LRRN1: variants seen among roughly 807,000 people sequenced by gnomAD.
The protein encoded by LRRN1 is leucine rich repeat neuronal 1.
A neutral mutation model predicts 45.8 loss-of-function variants in LRRN1; 14 were observed. The ratio of observed to expected loss-of-function variants is 0.31; its 90% confidence interval spans 0.20 to 0.48. The LOEUF is 0.48. Ranked by LOEUF, LRRN1 falls within the 20% of genes least tolerant of loss-of-function variation. The pLI is 0.99. For synonymous variants in LRRN1, 359 were observed against 330.1 expected (o/e 1.09, Z -0.95); for missense variants, 789 against 874.2 (o/e 0.90, Z 1.23).
chr3:3,845,016 T>C lies in LRRN1; in HGVS notation c.375T>C (p.His125=), dbSNP rs754820458. 9 of 1,614,112 alleles carry C rather than the reference T, an allele frequency of 5.6e-6. No homozygotes were observed. The South Asian group carries it at 8.8e-5, about 16-fold the overall frequency. The change falls in exon 2 of 2, where the codon CAT becomes CAC. Residue 125 remains histidine, a synonymous_variant. Transcript: ENST00000319331. This position sits in a 1 kb window ranked among gnomAD's most constrained non-coding sequence, Gnocchi z 6.5. ...LANLTQLTTL[H]LEENQITEMT... is the part of the protein sequence containing the mutation. Reference sequence around the variant, plus strand: ...ACCTAACCCAGCTCACAACGCTGCATTTGGAGGAAAATCAGATTACCGAGA... The same window carrying C: ...ACCTAACCCAGCTCACAACGCTGCACTTGGAGGAAAATCAGATTACCGAGA...
chr3:3,840,941 C>T (rs1328989512), intron 1 of LRRN1, among the ~76,000 whole-genome samples: 1 of 152,202 alleles, frequency 6.6e-6, no homozygotes, highest in East Asian at 1.9e-4. Flanking sequence ...TTTTGGAAGT[C>T]TCTCACACAA....
chr3:3,820,093 C>T (rs1013760386), intron 1 of LRRN1, among the ~76,000 whole-genome samples: 1 of 152,104 alleles, frequency 6.6e-6, no homozygotes, highest in African/African-American at 2.4e-5. Flanking sequence ...GAGATAATTT[C>T]CTGAGTTCTC....
At chr3:3,841,185 C>T (rs1693644365) in intron 1 of LRRN1, among the ~76,000 whole-genome samples, 1 of 149,096 alleles carries the variant, frequency 6.7e-6, no homozygotes, top group African/African-American at 2.5e-5. Context: ...CAGCTACTCA[C>T]AAGGCTAAGG....
intron 1 of LRRN1, among the ~76,000 whole-genome samples, chr3:3,832,270 A>G (rs1415407563): frequency 3.3e-5 from 5 of 152,318 alleles, no homozygotes; most frequent in Non-Finnish European, 5.9e-5. Context: ...AGGTAGAGGC[A>G]GCTCTAATGC....
chr3:3,845,473 A>AACCCCAT lies in LRRN1; in HGVS notation c.832_833insACCCCAT (p.Ile278AsnfsTer35). ...CCTCAACAAAAACCCCATTCACAAA[A>AACCCCAT]TCCAAGAAGGGGACTTCAAAAATAT... is the stretch of plus-strand genomic sequence containing the variant. On this transcript the variant is annotated frameshift_variant, in exon 2 of 2. Transcript: ENST00000319331. LOFTEE classifies it high-confidence loss of function. The surrounding 1 kb of genome is among the most constrained non-coding windows in gnomAD (Gnocchi z 6.5). 2 of 1,614,116 alleles carry AACCCCAT rather than the reference A, an allele frequency of 1.2e-6. No homozygotes were observed. The highest frequency in any genetic ancestry group is 1.7e-6 in the Non-Finnish European group (2 of 1,180,018).
rs539513770 is a variant in LRRN1 at position 3,813,154 on chromosome 3, C to T, written c.-279+13235C>T. ...TCATTGTGTAAAATGCACTTAGCCA[C>T]ATCTGGCTGCTGTTCGCATGAACAG... On this transcript the variant is annotated intron_variant, in intron 1 of 1. Transcript: ENST00000319331. Among the ~76,000 whole-genome samples the T allele has an allele frequency of 3.3e-5, 5 of 152,322 alleles. No homozygotes were observed. In the South Asian group the frequency reaches 1.0e-3, roughly 32 times the overall value.
intron 1 of LRRN1, among the ~76,000 whole-genome samples, chr3:3,807,370 G>A (rs1692786172): frequency 6.6e-6 from 1 of 152,154 alleles, no homozygotes; most frequent in Admixed American, 6.5e-5. Context: ...ATTGATTTTT[G>A]TTTTTTCTTT....
chr3:3,845,762 G>T lies in LRRN1; in HGVS notation c.1121G>T (p.Arg374Met), dbSNP rs757093567. 7.4e-6 allele frequency: 12 copies of T among 1,613,960 alleles called. No individual in the cohort carries two copies. The highest frequency in any genetic ancestry group is 1.3e-5 in the African/African-American group (1 of 74,886). ...ATCAGTATCCATAGCAATCCCCTCA[G>T]GTGTGACTGTGTGATCCACTGGATT... is the stretch of plus-strand genomic sequence containing the variant. The part of the protein sequence containing the change: ...REISIHSNPL[R>M]CDCVIHWINS... Residue 374 changes from arginine (R) to methionine (M), a missense_variant, in exon 2 of 2, where the codon AGG (arginine) becomes ATG (methionine). Physicochemically the swap from Arg to Met is moderately conservative, Grantham distance 91. Transcript: ENST00000319331. This position sits in a 1 kb window ranked among gnomAD's most constrained non-coding sequence, Gnocchi z 6.5.
At chr3:3,836,375 C>T (rs1693512922) in intron 1 of LRRN1, among the ~76,000 whole-genome samples, 1 of 152,184 alleles carries the variant, frequency 6.6e-6, no homozygotes, top group South Asian at 2.1e-4. Context: ...CCTTGGCAAC[C>T]ACCTTTCTAC....
intron 1 of LRRN1, among the ~76,000 whole-genome samples, chr3:3,825,791 TTTC>T (rs1158092437): frequency 3.9e-5 from 6 of 152,224 alleles, no homozygotes; most frequent in African/African-American, 1.4e-4. Context: ...CTAAAGAAGT[TTTC>T]TTCTGAGCAG....
At chr3:3,802,024 C>T (rs975491325) in intron 1 of LRRN1, among the ~76,000 whole-genome samples, 12 of 152,176 alleles carry the variant, frequency 7.9e-5, no homozygotes, top group Non-Finnish European at 1.6e-4. Context: ...AGAATGTCCA[C>T]TGTCTAGCTG....
intron 1 of LRRN1, among the ~76,000 whole-genome samples, chr3:3,812,397 C>T (rs765405928): frequency 3.3e-5 from 5 of 152,054 alleles, no homozygotes; most frequent in Non-Finnish European, 7.4e-5. Context: ...CCAGGCAAAG[C>T]GTATGGAGAG....
chr3:3,802,255 G>T (rs1439108360), intron 1 of LRRN1, among the ~76,000 whole-genome samples: 1 of 152,202 alleles, frequency 6.6e-6, no homozygotes, highest in Non-Finnish European at 1.5e-5. Flanking sequence ...TCTTGGCGTT[G>T]TGCGACAGCT....
At chr3:3,825,117 TG>T (rs1693190228) in intron 1 of LRRN1, among the ~76,000 whole-genome samples, 1 of 152,168 alleles carries the variant, frequency 6.6e-6, no homozygotes, top group African/African-American at 2.4e-5. Flanking sequence ...CAGCTGGCAC[TG>T]GGCTTTTGGC....
At chr3:3,832,315 C>T (rs964971618) in intron 1 of LRRN1, among the ~76,000 whole-genome samples, 2 of 152,186 alleles carry the variant, frequency 1.3e-5, no homozygotes, top group African/African-American at 4.8e-5. Context: ...AATAGCCTTC[C>T]AGTCAGGGAG....
At chr3:3,806,696 A>T (rs1312674119) in intron 1 of LRRN1, among the ~76,000 whole-genome samples, 2 of 152,192 alleles carry the variant, frequency 1.3e-5, no homozygotes, top group African/African-American at 4.8e-5. Context: ...CATATTTTAG[A>T]GCTTTAAACT....
intron 1 of LRRN1, among the ~76,000 whole-genome samples, chr3:3,834,525 G>GATATATATATATATATATATATC (rs1693447441): frequency 3.7e-5 from 1 of 27,310 alleles, no homozygotes; most frequent in East Asian, 6.5e-4. Context: ...GACAGAACAG[G>GATATATATATATATATATATATC]ATATATATAT....
intron 1 of LRRN1, among the ~76,000 whole-genome samples, chr3:3,807,782 A>G (rs987424116): frequency 2.0e-5 from 3 of 152,190 alleles, no homozygotes; most frequent in African/African-American, 7.2e-5. Flanking sequence ...CCATAAGGAC[A>G]GTGGAGTAGC....
intron 1 of LRRN1, among the ~76,000 whole-genome samples, chr3:3,817,631 C>G (rs1376011493): frequency 1.3e-5 from 2 of 151,296 alleles, no homozygotes; most frequent in Non-Finnish European, 2.9e-5. Context: ...CAGTCAGGCT[C>G]TTTAGAGAAA....
Sources: allele counts gnomAD v4.1 joint callset (sites outside exome capture counted in the v4.1 genomes callset), GRCh38; gene constraint gnomAD v4.1.1; non-coding constraint Gnocchi (gnomAD v3.1); transcripts MANE v1.5; gene names NCBI Gene and HGNC (gene_info 2026-07-23, HGNC 2026-07-21).